Variants in ERLIN1 observed in about 807,000 individuals in gnomAD.
ERLIN1 encodes erlin-1.
ERLIN1 carries 24 observed loss-of-function variants against 46.9 expected under a neutral mutation model. That is an observed-to-expected ratio of 0.51 (90% CI 0.37 to 0.72). ERLIN1 has a LOEUF of 0.72. Among genes scored for constraint, ERLIN1 ranks in the 30% least tolerant of loss-of-function variants. ERLIN1 has a pLI of 0.00. For missense variants in ERLIN1, 293 were observed against 417.9 expected, an observed-to-expected ratio of 0.70 and a Z score of 2.61; for synonymous variants, 158 against 143.2, an observed-to-expected ratio of 1.10 and a Z score of -0.74.
rs575780178 is a variant in ERLIN1 at position 100,150,938 on chromosome 10, G to C, written c.*1193C>G. The C allele has an allele frequency of 2.0e-5, 3 of 152,342 alleles. No homozygotes were observed. In the East Asian group the frequency reaches 5.8e-4, roughly 29 times the overall value. 9.4% of individuals were successfully genotyped at this position (152,342 alleles called of 1,614,324 possible). On this transcript the variant is annotated 3_prime_UTR_variant, in exon 11 of 11. Coordinates refer to ENST00000421367, the MANE Select transcript of ERLIN1 (RefSeq NM_006459.4). The stretch of plus-strand genomic sequence containing the variant: ...GACGTCAGTGGAATCCTGATCTCCT[G>C]GGGGAGGTGACAGCTGGAGAAACAA...
intron 10 of ERLIN1, among the ~76,000 whole-genome samples, chr10:100,153,832 T>C (rs777664541): frequency 6.6e-6 from 1 of 152,170 alleles, no homozygotes; most frequent in Non-Finnish European, 1.5e-5. Flanking sequence ...TCAACTGGAG[T>C]TTCCTGTCAT....
chr10:100,171,515 C>T lies in ERLIN1; in HGVS notation c.504+2693G>A, dbSNP rs114622184. Among the ~76,000 whole-genome samples, 1,217 of 152,232 alleles carry T rather than the reference C, an allele frequency of 8.0e-3. 23 individuals carry two copies. Among genetic ancestry groups the T allele is most frequent in the African/African-American group, 0.027 (1,108 of 41,512 alleles). Reference sequence around the variant, plus strand: ...CAACCTGCTGTGTTCAAGTCATCCTCCCACCTCAGCCTCCCAAGTAGCTGG... The same window carrying T: ...CAACCTGCTGTGTTCAAGTCATCCTTCCACCTCAGCCTCCCAAGTAGCTGG... On this transcript the variant is annotated intron_variant, in intron 6 of 10. Transcript: ENST00000421367.
At chr10:100,174,097 T>C (rs912466073) in intron 6 of ERLIN1, 111 bp downstream of exon 6, 1 of 700,558 alleles carries the variant, frequency 1.4e-6, no homozygotes, top group Non-Finnish European at 2.5e-6. Flanking sequence ...AGGTATTCTA[T>C]AAATCACCAT....
intron 6 of ERLIN1, among the ~76,000 whole-genome samples, chr10:100,172,293 T>G (rs1844048156): frequency 6.6e-6 from 1 of 152,224 alleles, no homozygotes. Flanking sequence ...TGCATTTATA[T>G]CTACAAACAT....
chr10:100,156,738 C>G (rs1843100642), intron 8 of ERLIN1, among the ~76,000 whole-genome samples: 1 of 152,152 alleles, frequency 6.6e-6, no homozygotes, highest in African/African-American at 2.4e-5. Context: ...AAGGGCCAGT[C>G]ATGGTGATTC....
At chr10:100,181,246 TC>T (rs1485104849) in intron 2 of ERLIN1, among the ~76,000 whole-genome samples, 2 of 152,214 alleles carry the variant, frequency 1.3e-5, no homozygotes, top group Non-Finnish European at 2.9e-5. Flanking sequence ...CTTTTATATT[TC>T]TTTTATGTCC....
intron 8 of ERLIN1, among the ~76,000 whole-genome samples, chr10:100,157,656 AT>A (rs1843147872): frequency 6.6e-6 from 1 of 152,214 alleles, no homozygotes; most frequent in African/African-American, 2.4e-5. Context: ...AAATCAATCT[AT>A]ATTACACCAT....
At chr10:100,184,650 T>G (rs538052762) in intron 1 of ERLIN1, among the ~76,000 whole-genome samples, 23 of 152,306 alleles carry the variant, frequency 1.5e-4, no homozygotes, top group African/African-American at 4.8e-4. Context: ...CTTTCTCTGG[T>G]TTTACTGTCA....
intron 1 of ERLIN1, among the ~76,000 whole-genome samples, chr10:100,184,302 T>C (rs1360102083): frequency 2.0e-5 from 3 of 152,148 alleles, no homozygotes; most frequent in Non-Finnish European, 4.4e-5. Context: ...TTTCGATCTA[T>C]CTACAAGGTA....
At chr10:100,165,748 CAG>C (rs1036822686) in intron 7 of ERLIN1, among the ~76,000 whole-genome samples, 3 of 152,092 alleles carry the variant, frequency 2.0e-5, no homozygotes, top group Non-Finnish European at 1.5e-5. Context: ...CTTTTTGAGA[CAG>C]AGTTTCGTTC....
chr10:100,152,908 T>C lies in ERLIN1; in HGVS notation c.826-556A>G, dbSNP rs560374084. Among the ~76,000 whole-genome samples the C allele has an allele frequency of 1.3e-3, 192 of 152,092 alleles. 1 individual carries two copies. Among genetic ancestry groups the C allele is most frequent in the Non-Finnish European group, 5.4e-4 (37 of 67,974 alleles). ...CTCTGTTGCCCAGGCTGGAATACAG[T>C]GGTTCAATTATAGCTCGCTGCTGCA... On this transcript the variant is annotated intron_variant, in intron 10 of 10. Transcript: ENST00000421367.
intron 8 of ERLIN1, among the ~76,000 whole-genome samples, chr10:100,159,608 C>A (rs1240824572): frequency 3.6e-5 from 5 of 137,552 alleles, no homozygotes; most frequent in African/African-American, 5.7e-5. Context: ...TGGAAATCAA[C>A]AATAAAAAGG....
intron 6 of ERLIN1, among the ~76,000 whole-genome samples, chr10:100,172,774 T>C (rs1405774067): frequency 1.3e-5 from 2 of 152,174 alleles, no homozygotes; most frequent in African/African-American, 2.4e-5. Context: ...TACAAGAACA[T>C]GTGTCATGAA....
chr10:100,160,567 G>A (rs1843313507), intron 8 of ERLIN1, among the ~76,000 whole-genome samples: 1 of 152,088 alleles, frequency 6.6e-6, no homozygotes, highest in Non-Finnish European at 1.5e-5. Flanking sequence ...ATGACCAAGT[G>A]GATTGTTTGT....
chr10:100,185,908 A>C lies in ERLIN1; in HGVS notation c.-282T>G, dbSNP rs1844949159. The C allele has an allele frequency of 8.6e-6, 4 of 465,386 alleles. No homozygotes were observed. The South Asian group carries it at 1.7e-4, about 19-fold the overall frequency. 28.8% of individuals were successfully genotyped at this position (465,386 alleles called of 1,614,324 possible). A position where few individuals can be genotyped will look rare whatever the true frequency, so the allele number is the denominator to read the frequency against. ...TCCCGGGTGGAAGGCACTAACTGAG[A>C]AGAAGCCCAGCCGCAGGCTCGCGAG... On this transcript the variant is annotated 5_prime_UTR_variant, in exon 1 of 11. Transcript: ENST00000421367.
intron 8 of ERLIN1, among the ~76,000 whole-genome samples, chr10:100,158,386 C>T (rs978138555): frequency 6.6e-6 from 1 of 151,984 alleles, no homozygotes; most frequent in Non-Finnish European, 1.5e-5. Flanking sequence ...GTGCAAGCAG[C>T]CAAACAAAAT....
At chr10:100,167,498 T>A (rs1395776669) in intron 6 of ERLIN1, 92 bp from the exon 7 acceptor site, 7 of 989,578 alleles carry the variant, frequency 7.1e-6, no homozygotes, top group African/African-American at 1.6e-5. Flanking sequence ...ATGATACTAA[T>A]CTAATAAACA....
rs1017693350 is a variant in ERLIN1 at position 100,152,323 on chromosome 10, G to A, written c.855C>T (p.Leu285=). Residue 285 remains leucine, a synonymous_variant, in exon 11 of 11, where the codon CTC becomes CTT. Transcript: ENST00000421367. ...KHKLTPEYLE[L]KKYQAIASNS... is the part of the protein sequence containing the mutation. The stretch of plus-strand genomic sequence containing the variant: ...TAGAAGCAATGGCCTGGTACTTTTT[G>A]AGCTCCAGATATTCCGGGGTCAACT... 1.9e-6 allele frequency: 3 copies of A among 1,613,060 alleles called. No individual in the cohort carries two copies. The highest frequency in any genetic ancestry group is 1.7e-6 in the Non-Finnish European group (2 of 1,179,148).
At chr10:100,159,035 T>A (rs1843217747) in intron 8 of ERLIN1, among the ~76,000 whole-genome samples, 1 of 152,194 alleles carries the variant, frequency 6.6e-6, no homozygotes, top group African/African-American at 2.4e-5. Flanking sequence ...TCCAGCTATA[T>A]GCTGTTTACA....
Sources: allele counts gnomAD v4.1 joint callset (sites outside exome capture counted in the v4.1 genomes callset), GRCh38; gene constraint gnomAD v4.1.1; transcripts MANE v1.5; gene names NCBI Gene and HGNC (gene_info 2026-07-23, HGNC 2026-07-21).